PRR16: variants seen among roughly 807,000 people sequenced by gnomAD.
PRR16 encodes the protein protein Largen.
In PRR16, 6 loss-of-function variants were observed where a neutral mutation model predicts 18.2. The ratio of observed to expected loss-of-function variants is 0.33; its 90% confidence interval spans 0.18 to 0.65. The LOEUF is 0.65. Ranked by LOEUF, PRR16 falls within the 30% of genes least tolerant of loss-of-function variation. The probability of loss-of-function intolerance (pLI) is 0.74; values close to 1 mark genes in which losing one functional copy is unlikely to be tolerated. For synonymous variants in PRR16, 151 were observed against 147.8 expected, an observed-to-expected ratio of 1.02 and a Z score of -0.16; for missense variants, 412 against 376.6, an observed-to-expected ratio of 1.09 and a Z score of -0.78.
downstream of PRR16, among the ~76,000 whole-genome samples, chr5:120,688,154 A>G (rs1270485211): frequency 6.6e-6 from 1 of 152,210 alleles, no homozygotes; most frequent in Non-Finnish European, 1.5e-5. Context: ...TGCCTTTTTC[A>G]AGCTAGATCA....
At chr5:120,537,930 C>G (rs1318745706) in intron 1 of PRR16, among the ~76,000 whole-genome samples, 8 of 151,412 alleles carry the variant, frequency 5.3e-5, no homozygotes, top group Non-Finnish European at 1.5e-5. Flanking sequence ...GCGCCCGCCA[C>G]TACGCCCGGC....
chr5:120,512,895 A>G (rs144816593), intron 1 of PRR16, among the ~76,000 whole-genome samples: 26 of 152,298 alleles, frequency 1.7e-4, no homozygotes, highest in East Asian at 5.8e-4. Flanking sequence ...CTCACATACT[A>G]TATAGATAAG....
At position 120,683,501 on chromosome 5, in the gene PRR16, CA is replaced by C. The variant is rs11385880; in HGVS notation, c.160-2437del. 5.9e-3 allele frequency among the ~76,000 whole-genome samples: 661 copies of C among 112,056 alleles called. 6 individuals are homozygous for C. The highest frequency in any genetic ancestry group is 0.022 in the Middle Eastern group (4 of 182). 73.5% of individuals were successfully genotyped at this position (112,056 alleles called of 152,430 possible). A position where few individuals can be genotyped will look rare whatever the true frequency, so the allele number is the denominator to read the frequency against. ...TGGGCGACAGTGTGACACTCCGTCTCAAAAAAAAAAAAAAAAGTGAAACTGT... is the reference window on the plus strand; with the variant it reads ...TGGGCGACAGTGTGACACTCCGTCTCAAAAAAAAAAAAAAAGTGAAACTGT... On this transcript the variant is annotated intron_variant, in intron 1 of 1. Transcript: ENST00000407149.
At chr5:120,669,293 T>G (rs1756508237) in intron 1 of PRR16, among the ~76,000 whole-genome samples, 1 of 152,128 alleles carries the variant, frequency 6.6e-6, no homozygotes, top group African/African-American at 2.4e-5. Context: ...AAGGGCAATA[T>G]GAGGCCCTCA....
Position 120,485,959 on chromosome 5 carries a change from T to C in PRR16, c.159+21314T>C, listed in dbSNP as rs186280637. On this transcript the variant is annotated intron_variant, in intron 1 of 1. Coordinates refer to ENST00000407149, the MANE Select transcript of PRR16 (RefSeq NM_001300783.2). ...ATGATGGTTTCCAGCTTCATCCATG[T>C]CCCTACAAAGGACATGAACTCATCA... Among the ~76,000 whole-genome samples the C allele has an allele frequency of 5.9e-5, 9 of 152,300 alleles. No individual in the cohort carries two copies. The East Asian group carries it at 1.4e-3, about 23-fold the overall frequency.
chr5:120,699,540 C>T, the PRR16 span, among the ~76,000 whole-genome samples: 10 of 151,820 alleles, frequency 6.6e-5, no homozygotes, highest in Admixed American at 6.6e-4. Flanking sequence ...GCTGAAGGAG[C>T]CAGGAAGCAG....
At chr5:120,778,214 C>G in the PRR16 span, among the ~76,000 whole-genome samples, 1 of 152,010 alleles carries the variant, frequency 6.6e-6, no homozygotes, top group African/African-American at 2.4e-5. Flanking sequence ...GGAATTGACC[C>G]ATTCTCAGGT....
chr5:120,514,413 C>T (rs1378320244), intron 1 of PRR16, among the ~76,000 whole-genome samples: 1 of 152,190 alleles, frequency 6.6e-6, no homozygotes, highest in Non-Finnish European at 1.5e-5. Flanking sequence ...CTATTTTTTA[C>T]ATAGCCTGGC....
the PRR16 span, among the ~76,000 whole-genome samples, chr5:120,779,616 C>A: frequency 6.6e-6 from 1 of 152,064 alleles, no homozygotes; most frequent in Non-Finnish European, 1.5e-5. Context: ...TAAATTGGGT[C>A]TTTTAGCATT....
the PRR16 span, among the ~76,000 whole-genome samples, chr5:120,782,537 C>G: frequency 6.6e-6 from 1 of 152,090 alleles, no homozygotes; most frequent in African/African-American, 2.4e-5. Context: ...CCTATTTTCC[C>G]TCCCATATGC....
the PRR16 span, among the ~76,000 whole-genome samples, chr5:120,778,115 A>T: frequency 6.6e-6 from 1 of 152,240 alleles, no homozygotes; most frequent in East Asian, 1.9e-4. Flanking sequence ...AAAATTAATT[A>T]CAAGTTTAAT....
chr5:120,464,777 C>CGCCCTGGAGTCCTGAGAGGAG, intron 1 of PRR16, 132 bp downstream of exon 1: 1 of 959,786 alleles, frequency 1.0e-6, no homozygotes, highest in Non-Finnish European at 1.5e-6. Context: ...TGCAGACGGA[C>CGCCCTGGAGTCCTGAGAGGAG]TTTCTTTGCT....
chr5:120,493,871 TC>T (rs1299598336), intron 1 of PRR16, among the ~76,000 whole-genome samples: 3 of 152,028 alleles, frequency 2.0e-5, no homozygotes, highest in Non-Finnish European at 2.9e-5. Flanking sequence ...TATGGTTTAT[TC>T]TTTTTTTTGC....
At chr5:120,706,959 T>C in the PRR16 span, among the ~76,000 whole-genome samples, 2 of 152,162 alleles carry the variant, frequency 1.3e-5, no homozygotes, top group East Asian at 3.9e-4. Context: ...ATAGGGACAT[T>C]ATACATAGGG....
At chr5:120,496,848 T>A (rs189017451) in intron 1 of PRR16, among the ~76,000 whole-genome samples, 1 of 152,218 alleles carries the variant, frequency 6.6e-6, no homozygotes, top group Non-Finnish European at 1.5e-5. Flanking sequence ...GTGCTACACA[T>A]TTCCCACTCA....
At chr5:120,525,053 G>A (rs1751305814) in intron 1 of PRR16, among the ~76,000 whole-genome samples, 1 of 151,904 alleles carries the variant, frequency 6.6e-6, no homozygotes, top group Non-Finnish European at 1.5e-5. Flanking sequence ...GAAAATATTT[G>A]CCATGATAAC....
the PRR16 span, among the ~76,000 whole-genome samples, chr5:120,781,056 T>A: frequency 1.3e-5 from 2 of 152,100 alleles, no homozygotes; most frequent in Non-Finnish European, 2.9e-5. Context: ...CTCAGAAATA[T>A]CTATGTATCT....
chr5:120,624,200 A>C (rs1481024235), intron 1 of PRR16, among the ~76,000 whole-genome samples: 1 of 152,134 alleles, frequency 6.6e-6, no homozygotes, highest in African/African-American at 2.4e-5. Context: ...GTATTAAAGA[A>C]ACACATCTTT....
the PRR16 span, among the ~76,000 whole-genome samples, chr5:120,716,045 A>G: frequency 6.6e-6 from 1 of 152,164 alleles, no homozygotes; most frequent in East Asian, 1.9e-4. Flanking sequence ...ACAAATCTAA[A>G]CAGCAGCAAC....
Sources: gnomAD v4.1 joint callset for allele counts (sites outside exome capture counted in the v4.1 genomes callset) on GRCh38, gnomAD v4.1.1 for gene constraint, MANE v1.5 for transcripts, NCBI Gene and HGNC (gene_info 2026-07-23, HGNC 2026-07-21) for gene names.